Variants in TYR observed in about 807,000 individuals in gnomAD.
The protein encoded by TYR is tyrosinase, also known as LB24-AB.
In TYR, 58 loss-of-function variants were observed where a neutral mutation model predicts 51.5. That is an observed-to-expected ratio of 1.13 (90% CI 0.91 to 1.40). TYR has a LOEUF of 1.40. Among genes scored for constraint, TYR ranks in the 40% most tolerant of loss-of-function variants. TYR has a pLI of 0.00. For missense variants in TYR, 732 were observed against 647.4 expected (o/e 1.13, Z -1.42); for synonymous variants, 263 against 235.2 (o/e 1.12, Z -1.08).
At chr11:89,225,519 A>G (rs1316264157) in intron 2 of TYR, among the ~76,000 whole-genome samples, 2 of 151,860 alleles carry the variant, frequency 1.3e-5, no homozygotes, top group Non-Finnish European at 2.9e-5. Flanking sequence ...AGCATAACAT[A>G]TATAACATTT....
chr11:89,275,597 T>G (rs554770958), intron 3 of TYR, among the ~76,000 whole-genome samples: 1 of 152,008 alleles, frequency 6.6e-6, no homozygotes, highest in South Asian at 2.1e-4. Flanking sequence ...CAAATTAAAT[T>G]TAAAAGAGTT....
At chr11:89,250,868 T>C (rs779267547) in intron 3 of TYR, among the ~76,000 whole-genome samples, 27 of 151,996 alleles carry the variant, frequency 1.8e-4, no homozygotes, top group Non-Finnish European at 2.8e-4. Context: ...TTACAAGTAG[T>C]GAGAATGAAA....
intron 3 of TYR, among the ~76,000 whole-genome samples, chr11:89,249,383 T>G (rs1944305199): frequency 7.0e-6 from 1 of 143,152 alleles, no homozygotes; most frequent in Non-Finnish European, 1.5e-5. Context: ...CCGATACAGA[T>G]GAGTCAGCAA....
chr11:89,244,645 C>T (rs763759697), intron 3 of TYR, among the ~76,000 whole-genome samples: 29 of 152,056 alleles, frequency 1.9e-4, no homozygotes, highest in African/African-American at 4.6e-4. Context: ...GGTGCACCTT[C>T]GATAAATGTC....
intron 2 of TYR, among the ~76,000 whole-genome samples, chr11:89,198,346 T>C (rs16912972): frequency 0.02 from 3,068 of 152,222 alleles, 116 homozygotes; most frequent in African/African-American, 0.071. Context: ...AAGGCTAAAC[T>C]ATTTCCCTAG....
intron 1 of TYR, among the ~76,000 whole-genome samples, chr11:89,180,139 G>C (rs1016891155): frequency 2.0e-5 from 3 of 152,136 alleles, no homozygotes; most frequent in African/African-American, 7.2e-5. Flanking sequence ...TTTTGTGCAG[G>C]AAAGGCTAGA....
At chr11:89,189,634 G>T (rs549172597) in intron 1 of TYR, among the ~76,000 whole-genome samples, 2 of 152,190 alleles carry the variant, frequency 1.3e-5, no homozygotes, top group East Asian at 1.9e-4. Flanking sequence ...TATCTCTATT[G>T]TTACCAACCC....
chr11:89,209,942 A>G (rs1943729882), intron 2 of TYR, among the ~76,000 whole-genome samples: 1 of 152,234 alleles, frequency 6.6e-6, no homozygotes, highest in Non-Finnish European at 1.5e-5. Flanking sequence ...CAGGACATCC[A>G]AAGCAAAACC....
At chr11:89,237,867 A>G (rs7939929) in intron 3 of TYR, among the ~76,000 whole-genome samples, 52,382 of 151,508 alleles carry the variant, frequency 0.35, 10,035 homozygotes, top group African/African-American at 0.52. Context: ...ACAGAGTCTC[A>G]CTCTGTCACC....
chr11:89,235,792 T>A lies in TYR; in HGVS notation c.1184+7822T>A, dbSNP rs567044185. Among the ~76,000 whole-genome samples the A allele has an allele frequency of 6.6e-5, 10 of 152,244 alleles. No homozygotes were observed. In the South Asian group the frequency reaches 2.1e-3, roughly 32 times the overall value. On this transcript the variant is annotated intron_variant, in intron 3 of 4. Transcript: ENST00000263321. ...ACAGCATGATGATTATAGTAAATAA[T>A]GATATATTGTATCTTTTAAGATTGC...
intron 3 of TYR, among the ~76,000 whole-genome samples, chr11:89,274,288 G>A (rs747199572): frequency 3.9e-4 from 59 of 151,702 alleles, no homozygotes; most frequent in Non-Finnish European, 8.0e-4. Context: ...TTTATTTGTG[G>A]TACACCATAA....
chr11:89,285,048 C>T, intron 4 of TYR, 94 bp downstream of exon 4: 3 of 1,060,472 alleles, frequency 2.8e-6, no homozygotes, highest in Non-Finnish European at 4.4e-6. Context: ...CAATGTTATT[C>T]CTGAACACTT....
chr11:89,185,846 C>G (rs1309053264), intron 1 of TYR, among the ~76,000 whole-genome samples: 1 of 152,046 alleles, frequency 6.6e-6, no homozygotes, highest in African/African-American at 2.4e-5. Context: ...ATCTTAAAAG[C>G]CCTTTTTGGC....
chr11:89,284,159 A>G (rs1944752836), intron 3 of TYR, among the ~76,000 whole-genome samples: 1 of 151,806 alleles, frequency 6.6e-6, no homozygotes, highest in South Asian at 2.1e-4. Context: ...CCTGTTTCGA[A>G]GTCATGAATG....
intron 3 of TYR, among the ~76,000 whole-genome samples, chr11:89,247,743 T>G (rs190589164): frequency 6.6e-6 from 1 of 151,696 alleles, no homozygotes; most frequent in Non-Finnish European, 1.5e-5. Context: ...GAGGGAAGAG[T>G]GTCAACCTCT....
intron 3 of TYR, among the ~76,000 whole-genome samples, chr11:89,264,182 G>C (rs748619484): frequency 6.9e-4 from 105 of 151,926 alleles, no homozygotes; most frequent in Non-Finnish European, 1.3e-3. Flanking sequence ...TCCAGAGGTG[G>C]AAATGCAGAA....
At chr11:89,210,483 C>G (rs997982409) in intron 2 of TYR, among the ~76,000 whole-genome samples, 3 of 152,118 alleles carry the variant, frequency 2.0e-5, no homozygotes, top group Non-Finnish European at 4.4e-5. Context: ...AAGACCAAAC[C>G]TACATTTGAT....
intron 1 of TYR, among the ~76,000 whole-genome samples, chr11:89,184,985 T>G (rs953966975): frequency 1.3e-5 from 2 of 152,168 alleles, no homozygotes; most frequent in African/African-American, 4.8e-5. Context: ...TGCTTATAGA[T>G]AGCAAATTCA....
chr11:89,234,917 A>C (rs1944091535), intron 3 of TYR, among the ~76,000 whole-genome samples: 1 of 152,060 alleles, frequency 6.6e-6, no homozygotes, highest in East Asian at 1.9e-4. Flanking sequence ...GGAGTAACAC[A>C]CTTGCCAAAC....
Sources: allele counts gnomAD v4.1 joint callset (sites outside exome capture counted in the v4.1 genomes callset), GRCh38; gene constraint gnomAD v4.1.1; transcripts MANE v1.5; gene names NCBI Gene and HGNC (gene_info 2026-07-23, HGNC 2026-07-21).